Variants in KHDRBS2 observed in about 807,000 individuals in gnomAD.
KHDRBS2 encodes the protein KH domain-containing, RNA-binding, signal transduction-associated protein 2.
KHDRBS2 carries 26 observed loss-of-function variants against 44.3 expected under a neutral mutation model. The observed-to-expected ratio is 0.59, with a 90% CI of 0.43 to 0.81. The LOEUF (loss-of-function observed/expected upper bound fraction) is 0.81. Ranked by LOEUF, KHDRBS2 falls within the 40% of genes least tolerant of loss-of-function variation. The probability of loss-of-function intolerance (pLI) is 0.00; values close to 1 mark genes in which losing one functional copy is unlikely to be tolerated. For synonymous variants in KHDRBS2, 194 were observed against 151.1 expected, an observed-to-expected ratio of 1.28 and a Z score of -2.08; for missense variants, 476 against 433.1, an observed-to-expected ratio of 1.10 and a Z score of -0.88.
chr6:61,951,659 G>C (rs1764770004), intron 4 of KHDRBS2, among the ~76,000 whole-genome samples: 1 of 151,992 alleles, frequency 6.6e-6, no homozygotes, highest in South Asian at 2.1e-4. Context: ...TTCAAAGACA[G>C]AATTAGAAAA....
At chr6:61,549,335 T>A in the KHDRBS2 span, among the ~76,000 whole-genome samples, 4 of 152,172 alleles carry the variant, frequency 2.6e-5, no homozygotes, top group Non-Finnish European at 5.9e-5. Flanking sequence ...TCCTTCACAG[T>A]CTTAAAATTT....
At chr6:61,711,909 T>G (rs9450329) in intron 7 of KHDRBS2, among the ~76,000 whole-genome samples, 5 of 151,852 alleles carry the variant, frequency 3.3e-5, no homozygotes, top group African/African-American at 4.8e-5. Flanking sequence ...ATCAACATCA[T>G]ACAACAATAA....
chr6:62,159,571 C>G (rs1161648316), intron 2 of KHDRBS2, among the ~76,000 whole-genome samples: 2 of 151,948 alleles, frequency 1.3e-5, no homozygotes, highest in African/African-American at 2.4e-5. Flanking sequence ...AAAGTTGATC[C>G]CTAAATGACA....
At chr6:62,013,662 A>G (rs1780705020) in intron 3 of KHDRBS2, among the ~76,000 whole-genome samples, 3 of 152,178 alleles carry the variant, frequency 2.0e-5, no homozygotes, top group African/African-American at 7.2e-5. Context: ...ACACTGTTCT[A>G]TGTGCTTTTG....
At chr6:61,943,405 G>C (rs932596136) in intron 4 of KHDRBS2, among the ~76,000 whole-genome samples, 2 of 151,180 alleles carry the variant, frequency 1.3e-5, no homozygotes, top group African/African-American at 4.8e-5. Flanking sequence ...ACAATGAAAA[G>C]AAAAAAAGGA....
At chr6:61,820,637 G>T (rs748712529) in intron 6 of KHDRBS2, among the ~76,000 whole-genome samples, 4 of 151,942 alleles carry the variant, frequency 2.6e-5, no homozygotes, top group African/African-American at 4.8e-5. Context: ...CTTCCTGTCA[G>T]GAATAATTTT....
the KHDRBS2 span, among the ~76,000 whole-genome samples, chr6:61,567,703 T>C: frequency 9.9e-6 from 1 of 101,088 alleles, no homozygotes; most frequent in Non-Finnish European, 2.2e-5. Context: ...TCCCCTTTCT[T>C]CTTCTTCCTC....
rs567288771 is a variant in KHDRBS2 at position 61,691,991 on chromosome 6, A to C, written c.952+5204T>G. Among the ~76,000 whole-genome samples the C allele has an allele frequency of 3.3e-5, 5 of 152,262 alleles. No individual in the cohort carries two copies. In the South Asian group the frequency reaches 1.0e-3, roughly 32 times the overall value. Reference sequence around the variant, plus strand: ...AATGCCACTAAAGAATGGATGCATAATTAACTCTTTAGCTCATACATTAAA... The same window carrying C: ...AATGCCACTAAAGAATGGATGCATACTTAACTCTTTAGCTCATACATTAAA... On this transcript the variant is annotated intron_variant, in intron 8 of 8. Coordinates refer to ENST00000281156, the MANE Select transcript of KHDRBS2 (RefSeq NM_152688.4).
chr6:61,922,186 T>G (rs1029908111), intron 4 of KHDRBS2, among the ~76,000 whole-genome samples: 1 of 151,972 alleles, frequency 6.6e-6, no homozygotes, highest in African/African-American at 2.4e-5. Context: ...TATCTTCCCC[T>G]CTGAGTCAAG....
At chr6:61,988,396 G>C (rs758917165) in intron 3 of KHDRBS2, among the ~76,000 whole-genome samples, 34 of 152,168 alleles carry the variant, frequency 2.2e-4, no homozygotes, top group Non-Finnish European at 4.4e-4. Flanking sequence ...TCATGGAACA[G>C]GGCAATATGG....
intron 5 of KHDRBS2, among the ~76,000 whole-genome samples, chr6:61,897,024 T>C (rs1047057349): frequency 6.6e-6 from 1 of 152,196 alleles, no homozygotes; most frequent in Non-Finnish European, 1.5e-5. Context: ...TGTCCCCAGT[T>C]TCTATCCTCG....
At chr6:61,868,986 G>A (rs555191957) in intron 6 of KHDRBS2, among the ~76,000 whole-genome samples, 70 of 152,282 alleles carry the variant, frequency 4.6e-4, no homozygotes, top group Admixed American at 1.8e-3. Context: ...TTCAGGAGGG[G>A]ATCTCCTGAT....
At chr6:61,815,454 C>T (rs1256330981) in intron 6 of KHDRBS2, among the ~76,000 whole-genome samples, 1 of 152,036 alleles carries the variant, frequency 6.6e-6, no homozygotes, top group Non-Finnish European at 1.5e-5. Flanking sequence ...CATTTTTTAC[C>T]CACAAGTACA....
the KHDRBS2 span, among the ~76,000 whole-genome samples, chr6:61,604,745 A>C: frequency 6.6e-6 from 1 of 152,144 alleles, no homozygotes; most frequent in Non-Finnish European, 1.5e-5. Context: ...CTTTACTTAC[A>C]TGCCCTGAGT....
At chr6:62,170,420 C>A (rs1443105120) in intron 2 of KHDRBS2, among the ~76,000 whole-genome samples, 1 of 152,130 alleles carries the variant, frequency 6.6e-6, no homozygotes, top group Non-Finnish European at 1.5e-5. Flanking sequence ...GGCCTGGGAG[C>A]AGACTGTGTG....
At chr6:61,782,633 T>G (rs974124517) in intron 6 of KHDRBS2, among the ~76,000 whole-genome samples, 1 of 148,038 alleles carries the variant, frequency 6.8e-6, no homozygotes, top group Non-Finnish European at 1.5e-5. Context: ...GACCGTAAAA[T>G]TTTAATAGCA....
At chr6:62,120,364 G>T (rs890494731) in intron 2 of KHDRBS2, among the ~76,000 whole-genome samples, 7 of 152,190 alleles carry the variant, frequency 4.6e-5, no homozygotes, top group African/African-American at 1.7e-4. Flanking sequence ...TCGTGAAATA[G>T]ATTTGTGAAG....
At chr6:61,652,096 G>T in the KHDRBS2 span, among the ~76,000 whole-genome samples, 19 of 152,008 alleles carry the variant, frequency 1.2e-4, no homozygotes, top group Admixed American at 1.2e-3. Flanking sequence ...GAAGAAAATT[G>T]GCTCGTTTGT....
chr6:61,828,440 G>A (rs761469246), intron 6 of KHDRBS2, among the ~76,000 whole-genome samples: 2 of 152,156 alleles, frequency 1.3e-5, no homozygotes, highest in Non-Finnish European at 2.9e-5. Context: ...TGCGGGTGAA[G>A]GGTTATAAGT....
Sources: gnomAD v4.1 joint callset for allele counts (sites outside exome capture counted in the v4.1 genomes callset) on GRCh38, gnomAD v4.1.1 for gene constraint, MANE v1.5 for transcripts, NCBI Gene and HGNC (gene_info 2026-07-23, HGNC 2026-07-21) for gene names.